The following FAIM variants were observed in gnomAD, a reference collection of about 807,000 sequenced individuals.
The protein encoded by FAIM is Fas apoptotic inhibitory molecule.
A neutral mutation model predicts 21.2 loss-of-function variants in FAIM; 14 were observed. The observed-to-expected ratio is 0.66, with a 90% confidence interval of 0.44 to 1.03. The LOEUF (loss-of-function observed/expected upper bound fraction) is 1.03. Among genes scored for constraint, FAIM ranks in the 50% least tolerant of loss-of-function variants. FAIM has a pLI of 0.00. For synonymous variants in FAIM, 86 were observed against 80.4 expected (o/e 1.07, Z -0.37); for missense variants, 222 against 247.1 (o/e 0.90, Z 0.68).
At chr3:138,609,566 C>CG in intron 1 of FAIM, among the ~76,000 whole-genome samples, 1 of 95,838 alleles carries the variant, frequency 1.0e-5, no homozygotes, top group Non-Finnish European at 2.1e-5. Flanking sequence ...CTCTCTCTCT[C>CG]TCTCTCTCTC....
At position 138,633,060 on chromosome 3, in the gene FAIM, T is replaced by G; in HGVS notation, c.587T>G (p.Ile196Ser). 6.2e-7 allele frequency: 1 copy of G among 1,612,360 alleles called. No individual in the cohort carries two copies. Among genetic ancestry groups the G allele is most frequent in the Non-Finnish European group, 8.5e-7 (1 of 1,179,418 alleles). The change falls in exon 6 of 6, where the codon ATC becomes AGC. Residue 196 changes from isoleucine (I) to serine (S), a missense_variant. By Grantham distance (142) the Ile-to-Ser change is moderately radical. Coordinates refer to ENST00000360570, the MANE Select transcript of FAIM (RefSeq NM_001033031.2). ...IHTLIVDNRE[I>S]PEIAS ...ACTCTCATTGTGGATAATAGAGAAA[T>G]CCCAGAGATTGCAAGTTAATGAATT...
chr3:138,609,614 A>ATCCT (rs2042745197), intron 1 of FAIM, among the ~76,000 whole-genome samples: 1 of 25,416 alleles, frequency 3.9e-5, no homozygotes, highest in Non-Finnish European at 9.3e-5. Context: ...CTCTCTCTCG[A>ATCCT]CTCTCTCTCT....
intron 2 of FAIM, 156 bp from the exon 3 acceptor site, chr3:138,621,251 T>C: frequency 2.9e-6 from 2 of 693,020 alleles, no homozygotes. Context: ...AGGGAGAAAA[T>C]AGTTACATGT....
intron 1 of FAIM, among the ~76,000 whole-genome samples, chr3:138,617,558 T>C (rs1164653712): frequency 1.4e-5 from 2 of 147,074 alleles, no homozygotes; most frequent in Non-Finnish European, 3.0e-5. Context: ...CCTATCTGTC[T>C]ATCTATATCT....
intron 1 of FAIM, among the ~76,000 whole-genome samples, chr3:138,615,413 T>C (rs1695055837): frequency 6.6e-6 from 1 of 152,240 alleles, no homozygotes; most frequent in Admixed American, 6.5e-5. Context: ...TATTACTTTG[T>C]ATAGACCATC....
intron 5 of FAIM, chr3:138,630,377 G>C (rs1458668297): frequency 6.6e-6 from 1 of 152,144 alleles, no homozygotes; most frequent in East Asian, 1.9e-4. Flanking sequence ...CTTCCTACTT[G>C]GGAGGCTGAC....
rs1317940031 is a variant in FAIM, at chr3:138,622,168, T to C, written c.178-20T>C. On this transcript the variant is annotated intron_variant, in intron 3 of 5. Coordinates refer to ENST00000360570, the MANE Select transcript of FAIM (RefSeq NM_001033031.2). Reference sequence around the variant, plus strand: ...AATTTTTCTTCCATTTGTTTCATATTTTTCTGTTTTATTATGTAGGAAGAG... The same window carrying C: ...AATTTTTCTTCCATTTGTTTCATATCTTTCTGTTTTATTATGTAGGAAGAG... 1 of 1,541,792 alleles carries C rather than the reference T, an allele frequency of 6.5e-7. No homozygotes were observed. The highest frequency in any genetic ancestry group is 8.8e-7 in the Non-Finnish European group (1 of 1,139,922).
Position 138,632,940 on chromosome 3 carries a change from T to G in FAIM, c.467T>G (p.Val156Gly). The G allele has an allele frequency of 1.2e-6, 2 of 1,612,884 alleles. No homozygotes were observed. The highest frequency in any genetic ancestry group is 1.7e-6 in the Non-Finnish European group (2 of 1,179,574). Residue 156 changes from valine (V) to glycine (G), a missense_variant, in exon 6 of 6, where the codon GTA (valine) becomes GGA (glycine). By Grantham distance (109) the Val-to-Gly change is moderately radical (BLOSUM62 -3). Transcript: ENST00000360570. ...CTTTTGTTGCTCCAGGGTGAGTTTGTAGATGATGGGACTGAAACTCACTTC... is the reference window on the plus strand; with the variant it reads ...CTTTTGTTGCTCCAGGGTGAGTTTGGAGATGATGGGACTGAAACTCACTTC... ...GKKLETAGEFVDDGTETHFSI... is the reference protein window; with the variant it reads ...GKKLETAGEFGDDGTETHFSI...
Position 138,609,541 on chromosome 3 carries a change from T to A in FAIM, c.-17+604T>A, listed in dbSNP as rs980240519. Among the ~76,000 whole-genome samples the A allele has an allele frequency of 2.9e-4, 4 of 13,956 alleles. 1 individual carries two copies. Among genetic ancestry groups the A allele is most frequent in the Non-Finnish European group, 4.7e-4 (3 of 6,416 alleles). The allele number at this position is 13,956 out of a possible 152,430, so 9.2% of individuals were successfully genotyped here. A position where few individuals can be genotyped will look rare whatever the true frequency, so the allele number is the denominator to read the frequency against. ...CATCATAAAGTGCTGAAACTCTCTC[T>A]CTCTCTCTCTCTCTCTCTCTCTCTC... On this transcript the variant is annotated intron_variant, in intron 1 of 5. Transcript: ENST00000360570.
chr3:138,615,290 G>T (rs1322944788), intron 1 of FAIM, among the ~76,000 whole-genome samples: 1 of 152,202 alleles, frequency 6.6e-6, no homozygotes, highest in African/African-American at 2.4e-5. Flanking sequence ...AAATCATTAA[G>T]TCAAACCATT....
intron 5 of FAIM, among the ~76,000 whole-genome samples, chr3:138,631,605 C>G (rs1223551047): frequency 6.6e-6 from 1 of 152,146 alleles, no homozygotes; most frequent in Non-Finnish European, 1.5e-5. Context: ...ATCTAGGCAG[C>G]CTTCCCCAGT....
In FAIM at chr3:138,633,103, A is replaced by G; in HGVS notation, c.*24A>G. On this transcript the variant is annotated 3_prime_UTR_variant, in exon 6 of 6. Coordinates refer to ENST00000360570, the MANE Select transcript of FAIM (RefSeq NM_001033031.2). ...AATGAATTTTCATCTTAAGAAGTAA[A>G]GATCAGGACTTTTTAATTACTGTGG... 1 of 1,606,172 alleles carries G rather than the reference A, an allele frequency of 6.2e-7. No individual in the cohort carries two copies. Among genetic ancestry groups the G allele is most frequent in the Non-Finnish European group, 8.5e-7 (1 of 1,174,884 alleles).
intron 1 of FAIM, 122 bp from the exon 2 acceptor site, chr3:138,619,589 T>A (rs1277510462): frequency 1.3e-6 from 1 of 766,078 alleles, no homozygotes; most frequent in African/African-American, 1.8e-5. Context: ...TGAAACTCCA[T>A]GTAATTTAAT....
At chr3:138,627,750 C>T (rs781694948) in intron 4 of FAIM, among the ~76,000 whole-genome samples, 1 of 152,136 alleles carries the variant, frequency 6.6e-6, no homozygotes, top group Non-Finnish European at 1.5e-5. Flanking sequence ...TGAGGTGACC[C>T]CTGCCCATAT....
intron 2 of FAIM, among the ~76,000 whole-genome samples, chr3:138,620,436 T>C (rs948537254): frequency 2.6e-5 from 4 of 152,174 alleles, no homozygotes; most frequent in African/African-American, 9.7e-5. Flanking sequence ...ACATAGGATA[T>C]ATTAACATCA....
chr3:138,609,911 G>A (rs1577002717), intron 1 of FAIM, among the ~76,000 whole-genome samples: 1 of 152,146 alleles, frequency 6.6e-6, no homozygotes. Flanking sequence ...GGTATAGATT[G>A]TGAAATGGCC....
intron 4 of FAIM, among the ~76,000 whole-genome samples, chr3:138,623,320 T>G (rs484698): frequency 0.62 from 93,788 of 152,006 alleles, 29,630 homozygotes; most frequent in East Asian, 0.98. Flanking sequence ...TCCTATGTCT[T>G]TTAGCAGTTT....
chr3:138,613,712 TG>T (rs745941326), intron 1 of FAIM, among the ~76,000 whole-genome samples: 4 of 152,172 alleles, frequency 2.6e-5, no homozygotes, highest in Non-Finnish European at 4.4e-5. Flanking sequence ...CTTGAACTCC[TG>T]GGCTCAAGCA....
At chr3:138,623,227 T>C (rs1034680797) in intron 4 of FAIM, among the ~76,000 whole-genome samples, 2 of 152,154 alleles carry the variant, frequency 1.3e-5, no homozygotes, top group Admixed American at 6.5e-5. Context: ...TGAAGAGTTT[T>C]TTTTGTTTGT....
Sources: gnomAD v4.1 joint callset for allele counts (sites outside exome capture counted in the v4.1 genomes callset) on GRCh38, gnomAD v4.1.1 for gene constraint, MANE v1.5 for transcripts, NCBI Gene and HGNC (gene_info 2026-07-23, HGNC 2026-07-21) for gene names.